The following TIAM2 variants were observed in gnomAD, a reference collection of about 807,000 sequenced individuals.
TIAM2 encodes the protein rho guanine nucleotide exchange factor TIAM2.
Under a neutral mutation model 152.9 loss-of-function variants are expected in TIAM2, and 80 were observed. That is an observed-to-expected ratio of 0.52 (90% CI 0.44 to 0.63). TIAM2 has a LOEUF of 0.63. TIAM2 is among the 30% of genes least tolerant of loss of function. The pLI, the probability that TIAM2 is intolerant of heterozygous loss-of-function variation, is 0.00. For missense variants in TIAM2, 1,965 were observed against 2,120.1 expected, an observed-to-expected ratio of 0.93 and a Z score of 1.44; for synonymous variants, 804 against 838.0, an observed-to-expected ratio of 0.96 and a Z score of 0.70.
At chr6:155,027,367 A>G (rs1776628340) in intron 1 of TIAM2, among the ~76,000 whole-genome samples, 1 of 134,356 alleles carries the variant, frequency 7.4e-6, no homozygotes, top group South Asian at 2.3e-4. Flanking sequence ...TATATACTAT[A>G]TATAATATAT....
intron 14 of TIAM2, among the ~76,000 whole-genome samples, chr6:155,194,978 A>G (rs1476516456): frequency 1.3e-5 from 2 of 152,150 alleles, no homozygotes; most frequent in African/African-American, 4.8e-5. Context: ...GAAGAAAGAC[A>G]TGTTTGCGTC....
chr6:155,092,631 G>A (rs181039186), intron 2 of TIAM2, among the ~76,000 whole-genome samples: 1,620 of 152,052 alleles, frequency 0.011, 12 homozygotes, highest in Non-Finnish European at 0.014. Flanking sequence ...TGAGGCAGGC[G>A]GATCACCTGA....
intron 1 of TIAM2, among the ~76,000 whole-genome samples, chr6:155,006,193 G>A (rs914130939): frequency 1.3e-5 from 2 of 152,150 alleles, no homozygotes; most frequent in Non-Finnish European, 2.9e-5. Context: ...ATCAGTGACC[G>A]AGTGCCTACC....
At chr6:155,147,774 C>T (rs919706611) in intron 6 of TIAM2, among the ~76,000 whole-genome samples, 4 of 152,168 alleles carry the variant, frequency 2.6e-5, no homozygotes, top group South Asian at 2.1e-4. Context: ...CGTGAGCCAC[C>T]GTGCCTGGCC....
At chr6:155,020,854 A>G (rs1776464314) in intron 1 of TIAM2, among the ~76,000 whole-genome samples, 1 of 152,170 alleles carries the variant, frequency 6.6e-6, no homozygotes, top group Non-Finnish European at 1.5e-5. Flanking sequence ...TTCATCTTGC[A>G]GAACTGAAAT....
chr6:155,043,910 C>T (rs899273769), intron 1 of TIAM2, among the ~76,000 whole-genome samples: 2 of 152,136 alleles, frequency 1.3e-5, no homozygotes, highest in Non-Finnish European at 2.9e-5. Flanking sequence ...CAGGAAACTT[C>T]ATCCGAGAGG....
At chr6:155,036,820 G>A (rs1276311965) in intron 1 of TIAM2, among the ~76,000 whole-genome samples, 2 of 151,628 alleles carry the variant, frequency 1.3e-5, no homozygotes, top group Admixed American at 6.6e-5. Flanking sequence ...GTTTCTCCAT[G>A]TTGGTTAGGC....
chr6:155,189,885 G>A (rs946844476), intron 14 of TIAM2, among the ~76,000 whole-genome samples: 22 of 152,108 alleles, frequency 1.4e-4, no homozygotes, highest in African/African-American at 3.1e-4. Context: ...TGATCTCAGC[G>A]CTGCAGTTGG....
chr6:155,250,474 C>G, intron 21 of TIAM2: 1 of 1,364,252 alleles, frequency 7.3e-7, no homozygotes, highest in Non-Finnish European at 1.0e-6. Flanking sequence ...ATGGCAGGAA[C>G]AGGAAAGGAC....
chr6:155,000,346 A>G (rs2114834571), intron 1 of TIAM2, among the ~76,000 whole-genome samples: 1 of 152,186 alleles, frequency 6.6e-6, no homozygotes, highest in African/African-American at 2.4e-5. Flanking sequence ...CAGCTGACCA[A>G]CATGGAGAAA....
Position 155,257,189 on chromosome 6 carries a change from GCAAAA to G in TIAM2, c.*69_*73del. ...TTAAACTGGTGGTAAAGTGGAAATT[GCAAAA>G]AAAAAAAAAAAAAAAAACTGTTCAT... On this transcript the variant is annotated 3_prime_UTR_variant, in exon 27 of 27. Coordinates refer to ENST00000682666, the MANE Select transcript of TIAM2 (RefSeq NM_012454.4). The G allele has an allele frequency of 1.9e-6, 1 of 535,428 alleles. No individual in the cohort carries two copies. Among genetic ancestry groups the G allele is most frequent in the Non-Finnish European group, 2.6e-6 (1 of 387,956 alleles). 33.2% of individuals were successfully genotyped at this position (535,428 alleles called of 1,614,324 possible). A position where few individuals can be genotyped will look rare whatever the true frequency, so the allele number is the denominator to read the frequency against.
At chr6:155,256,324 C>A (rs1562378613) in intron 26 of TIAM2, 160 bp from the exon 27 acceptor site, 1 of 1,039,284 alleles carries the variant, frequency 9.6e-7, no homozygotes, top group Non-Finnish European at 1.4e-6. Context: ...TCCATGTTTT[C>A]AGTAGCTACA....
At chr6:155,051,769 T>G (rs1328464670) in intron 1 of TIAM2, among the ~76,000 whole-genome samples, 1 of 151,992 alleles carries the variant, frequency 6.6e-6, no homozygotes, top group African/African-American at 2.4e-5. Flanking sequence ...CTCACCCTCC[T>G]AAGTAGCTGG....
intron 1 of TIAM2, among the ~76,000 whole-genome samples, chr6:155,063,177 CACAA>C (rs1160922788): frequency 3.9e-5 from 6 of 151,964 alleles, no homozygotes; most frequent in Non-Finnish European, 5.9e-5. Flanking sequence ...AACATGATTT[CACAA>C]ACAGGGTAGT....
intron 1 of TIAM2, among the ~76,000 whole-genome samples, chr6:155,000,816 TCTA>T (rs1329793191): frequency 6.6e-6 from 1 of 152,120 alleles, no homozygotes; most frequent in Non-Finnish European, 1.5e-5. Context: ...AAACCCTGTC[TCTA>T]CTAAAAATAC....
intron 15 of TIAM2, among the ~76,000 whole-genome samples, chr6:155,220,346 A>G (rs531956888): frequency 1.3e-5 from 2 of 152,332 alleles, no homozygotes; most frequent in African/African-American, 4.8e-5. Flanking sequence ...TCTATTAAAC[A>G]TGGAATACAC....
chr6:155,115,588 G>C (rs1219596195), intron 2 of TIAM2, among the ~76,000 whole-genome samples: 3 of 152,162 alleles, frequency 2.0e-5, no homozygotes, highest in Non-Finnish European at 4.4e-5. Flanking sequence ...TGGCATTTGA[G>C]GTTACAGTGA....
intron 1 of TIAM2, among the ~76,000 whole-genome samples, chr6:155,063,355 TC>T (rs1219135189): frequency 6.6e-6 from 1 of 152,192 alleles, no homozygotes; most frequent in Non-Finnish European, 1.5e-5. Flanking sequence ...TTTCATGCAA[TC>T]CCAGGGATGG....
chr6:155,130,465 C>T lies in TIAM2; in HGVS notation c.1194+48C>T, dbSNP rs1479194083. The T allele has an allele frequency of 1.9e-6, 3 of 1,543,132 alleles. No homozygotes were observed. The South Asian group carries it at 3.7e-5, about 19-fold the overall frequency. On this transcript the variant is annotated intron_variant, in intron 4 of 26. Coordinates refer to ENST00000682666, the MANE Select transcript of TIAM2 (RefSeq NM_012454.4). ...GGAAGGGTCCCCACAGTTTCCCCACCTGGAGAAGGGGAAGGTTAGTAGAAG... is the reference window on the plus strand; with the variant it reads ...GGAAGGGTCCCCACAGTTTCCCCACTTGGAGAAGGGGAAGGTTAGTAGAAG...
Sources: gnomAD v4.1 joint callset for allele counts (sites outside exome capture counted in the v4.1 genomes callset) on GRCh38, gnomAD v4.1.1 for gene constraint, MANE v1.5 for transcripts, NCBI Gene and HGNC (gene_info 2026-07-23, HGNC 2026-07-21) for gene names.